SORBS2: variants seen among roughly 807,000 people sequenced by gnomAD.
The protein encoded by SORBS2 is sorbin and SH3 domain containing 2.
In SORBS2, 46 loss-of-function variants were observed where a neutral mutation model predicts 97.7. The observed-to-expected ratio is 0.47, with a 90% CI of 0.37 to 0.60. SORBS2 has a LOEUF of 0.60. Ranked by LOEUF, SORBS2 falls within the 20% of genes least tolerant of loss-of-function variation. The probability of loss-of-function intolerance (pLI) is 0.00; values close to 1 mark genes in which losing one functional copy is unlikely to be tolerated. For synonymous variants in SORBS2, 476 were observed against 473.4 expected, an observed-to-expected ratio of 1.01 and a Z score of -0.07; for missense variants, 1,316 against 1,282.3, an observed-to-expected ratio of 1.03 and a Z score of -0.40.
intron 1 of SORBS2, among the ~76,000 whole-genome samples, chr4:185,829,993 TATTA>T (rs2099204267): frequency 1.3e-5 from 2 of 152,174 alleles, no homozygotes; most frequent in Admixed American, 1.3e-4. Context: ...ATTCTCTATA[TATTA>T]ATTAAATTAA....
chr4:185,595,579 G>A (rs1226375166), intron 12 of SORBS2, among the ~76,000 whole-genome samples: 1 of 152,060 alleles, frequency 6.6e-6, no homozygotes. Flanking sequence ...TCATGCAGAA[G>A]TAAGATTTGT....
At chr4:185,602,241 C>A (rs1231671039) in intron 12 of SORBS2, among the ~76,000 whole-genome samples, 1 of 152,158 alleles carries the variant, frequency 6.6e-6, no homozygotes, top group East Asian at 1.9e-4. Flanking sequence ...AACTCCTGAC[C>A]TTGTGATCCA....
intron 2 of SORBS2, among the ~76,000 whole-genome samples, chr4:185,758,858 C>T (rs2098846762): frequency 6.6e-6 from 1 of 152,240 alleles, no homozygotes; most frequent in Non-Finnish European, 1.5e-5. Flanking sequence ...CTTCAACTTC[C>T]TTGCTCAACA....
At chr4:185,806,644 G>T (rs2099157708) in intron 1 of SORBS2, among the ~76,000 whole-genome samples, 1 of 151,400 alleles carries the variant, frequency 6.6e-6, no homozygotes, top group Non-Finnish European at 1.5e-5. Flanking sequence ...TTTTTTAGTA[G>T]AGACGGGGTT....
At chr4:185,923,134 G>A (rs1410680900) in intron 1 of SORBS2, among the ~76,000 whole-genome samples, 1 of 152,186 alleles carries the variant, frequency 6.6e-6, no homozygotes, top group African/African-American at 2.4e-5. Flanking sequence ...ACAGAGTCCA[G>A]CAGATAATGA....
intron 4 of SORBS2, among the ~76,000 whole-genome samples, chr4:185,643,190 C>T (rs547950322): frequency 6.6e-6 from 1 of 152,176 alleles, no homozygotes; most frequent in East Asian, 1.9e-4. Context: ...AGGCACATTC[C>T]CTGGGGGAGG....
In SORBS2 at chr4:185,623,029, A is replaced by C; in HGVS notation, c.2100T>G (p.Ile700Met). 1 of 1,614,158 alleles carries C rather than the reference A, an allele frequency of 6.2e-7. No individual in the cohort carries two copies. The highest frequency in any genetic ancestry group is 8.5e-7 in the Non-Finnish European group (1 of 1,180,016). ...AGTCATTCTGGTAGGGTGGACAATG[A>C]ATAGCACCATCGGGAGGCAGTGGGT... Residue 700 changes from isoleucine to methionine, a missense_variant, in exon 7 of 15, where the codon ATT becomes ATG. Ile to Met is a conservative substitution (Grantham distance 10). Transcript: ENST00000418609. The surrounding 1 kb of genome is among the most constrained non-coding windows in gnomAD (Gnocchi z 6.4).
chr4:185,868,147 C>CTTTCTTTTTTTT (rs1288748201), intron 1 of SORBS2, among the ~76,000 whole-genome samples: 4 of 89,764 alleles, frequency 4.5e-5, no homozygotes, highest in East Asian at 3.2e-4. Flanking sequence ...CTTTTCTTTT[C>CTTTCTTTTTTTT]TTTTTTTCTT....
intron 4 of SORBS2, among the ~76,000 whole-genome samples, chr4:185,671,624 G>A (rs540838769): frequency 6.6e-6 from 1 of 152,294 alleles, no homozygotes; most frequent in South Asian, 2.1e-4. Context: ...TAAAATGCTG[G>A]GAAGGAACAG....
intron 1 of SORBS2, among the ~76,000 whole-genome samples, chr4:185,797,113 T>A (rs1348243194): frequency 6.6e-6 from 1 of 152,242 alleles, no homozygotes; most frequent in African/African-American, 2.4e-5. Flanking sequence ...TCCCTCACTC[T>A]ATGCATCCCA....
rs551279807 is a variant in SORBS2 at position 185,688,397 on chromosome 4, G to A, written c.-197-9575C>T. Among the ~76,000 whole-genome samples, 50 of 150,982 alleles carry A rather than the reference G, an allele frequency of 3.3e-4. No homozygotes were observed. In the Admixed American group the frequency reaches 3.3e-3, roughly 10 times the overall value. ...ATATATTCCTGTTTAAATGAATATT[G>A]ATATATATATCAATAAAACTGGCCT... On this transcript the variant is annotated intron_variant, in intron 2 of 20. Coordinates refer to the SORBS2 transcript ENST00000284776.
chr4:185,743,861 T>TTCCTCC (rs753686783), intron 2 of SORBS2, among the ~76,000 whole-genome samples: 1 of 149,248 alleles, frequency 6.7e-6, no homozygotes, highest in Non-Finnish European at 1.5e-5. Context: ...TCTATTTTCT[T>TTCCTCC]TCCTCCTCCT....
chr4:185,668,689 C>T (rs2097658484), intron 4 of SORBS2, among the ~76,000 whole-genome samples: 1 of 152,204 alleles, frequency 6.6e-6, no homozygotes, highest in Non-Finnish European at 1.5e-5. Context: ...CCAATCTGGA[C>T]TACCTCAAAA....
chr4:185,839,350 C>G (rs2099210132), intron 1 of SORBS2, among the ~76,000 whole-genome samples: 1 of 152,172 alleles, frequency 6.6e-6, no homozygotes, highest in Non-Finnish European at 1.5e-5. Flanking sequence ...AGGACTGAAA[C>G]AGTTTGAGAA....
chr4:185,897,021 C>T (rs1025572864), intron 1 of SORBS2, among the ~76,000 whole-genome samples: 3 of 152,100 alleles, frequency 2.0e-5, no homozygotes, highest in Non-Finnish European at 4.4e-5. Context: ...GGAAACAGTA[C>T]CCCAGATGAC....
chr4:185,878,996 C>T (rs901324809), intron 1 of SORBS2, among the ~76,000 whole-genome samples: 2 of 152,088 alleles, frequency 1.3e-5, no homozygotes, highest in East Asian at 1.9e-4. Flanking sequence ...ATCCGTTACT[C>T]GGCTTTGTTT....
At chr4:185,665,114 ATAAATTTC>A (rs1203531219) in intron 4 of SORBS2, among the ~76,000 whole-genome samples, 1 of 152,258 alleles carries the variant, frequency 6.6e-6, no homozygotes, top group Non-Finnish European at 1.5e-5. Context: ...AAATGTATTC[ATAAATTTC>A]TGTCCTGAAA....
upstream of SORBS2, among the ~76,000 whole-genome samples, chr4:185,661,417 C>T (rs2097518901): frequency 6.6e-6 from 1 of 152,186 alleles, no homozygotes. Flanking sequence ...AGGAAATTAT[C>T]TGCTTACAAT....
At chr4:185,895,600 C>T (rs1322277614) in intron 1 of SORBS2, among the ~76,000 whole-genome samples, 1 of 152,210 alleles carries the variant, frequency 6.6e-6, no homozygotes, top group Non-Finnish European at 1.5e-5. Flanking sequence ...GCCCGGCTGC[C>T]TTCTTGCTCA....
Sources: gnomAD v4.1 joint callset for allele counts (sites outside exome capture counted in the v4.1 genomes callset) on GRCh38, gnomAD v4.1.1 for gene constraint, Gnocchi (gnomAD v3.1) non-coding constraint, MANE v1.5 for transcripts, NCBI Gene and HGNC (gene_info 2026-07-23, HGNC 2026-07-21) for gene names.